DNER: variants seen among roughly 807,000 people sequenced by gnomAD.
DNER encodes the protein delta/notch like EGF repeat containing.
In DNER, 33 loss-of-function variants were observed where a neutral mutation model predicts 78.2. That is an observed-to-expected ratio of 0.42 (90% CI 0.32 to 0.56). The LOEUF is 0.56. Ranked by LOEUF, DNER falls within the 20% of genes least tolerant of loss-of-function variation. DNER has a pLI of 0.11. For missense variants in DNER, 918 were observed against 975.3 expected (o/e 0.94, Z 0.78); for synonymous variants, 417 against 384.8 (o/e 1.08, Z -0.98).
intron 1 of DNER, among the ~76,000 whole-genome samples, chr2:229,648,801 G>T (rs1698763458): frequency 6.6e-6 from 1 of 152,138 alleles, no homozygotes; most frequent in African/African-American, 2.4e-5. Flanking sequence ...GTTTCTCTCT[G>T]ATTCAAATGC....
intron 4 of DNER, among the ~76,000 whole-genome samples, chr2:229,580,704 G>T (rs1386282456): frequency 6.6e-6 from 1 of 152,138 alleles, no homozygotes; most frequent in Admixed American, 6.5e-5. Context: ...AAAGTGTGCA[G>T]GAAAAAATCG....
At chr2:229,482,273 C>CCCCTG (rs1347049270) in intron 6 of DNER, among the ~76,000 whole-genome samples, 4 of 152,356 alleles carry the variant, frequency 2.6e-5, no homozygotes, top group East Asian at 3.9e-4. Flanking sequence ...AGGACTCCAG[C>CCCCTG]AATGGTCGCC....
chr2:229,530,888 T>C (rs1290744399), intron 5 of DNER, among the ~76,000 whole-genome samples: 2 of 152,148 alleles, frequency 1.3e-5, no homozygotes, highest in Non-Finnish European at 2.9e-5. Flanking sequence ...TAGGCCAAGT[T>C]TCTTGGGATT....
rs144648990 is a variant in DNER, at chr2:229,446,279, C to T, written c.1486+1037G>A. On this transcript the variant is annotated intron_variant, in intron 8 of 12. Coordinates refer to ENST00000341772, the MANE Select transcript of DNER (RefSeq NM_139072.4). The stretch of plus-strand genomic sequence containing the variant: ...GCTGATACAAAAGCTATTAATAAAA[C>T]ACAGTTCCTCCCAGCCCTAAGGAGG... 4.7e-3 allele frequency among the ~76,000 whole-genome samples: 712 copies of T among 152,326 alleles called. 8 individuals are homozygous for T. Among genetic ancestry groups the T allele is most frequent in the African/African-American group, 0.016 (653 of 41,570 alleles).
rs574732738 is a variant in DNER at position 229,446,571 on chromosome 2, A to G, written c.1486+745T>C. Reference sequence around the variant, plus strand: ...GATTCATTGTGCTGGGAAGCTTTCTAAAGAGCCAGCTCGTGTAAGGATGGA... The same window carrying G: ...GATTCATTGTGCTGGGAAGCTTTCTGAAGAGCCAGCTCGTGTAAGGATGGA... On this transcript the variant is annotated intron_variant, in intron 8 of 12. Coordinates refer to ENST00000341772, the MANE Select transcript of DNER (RefSeq NM_139072.4). Among the ~76,000 whole-genome samples the G allele has an allele frequency of 3.3e-5, 5 of 152,308 alleles. No individual in the cohort carries two copies. The South Asian group carries it at 6.2e-4, about 19-fold the overall frequency.
chr2:229,412,172 C>T (rs1693537608), intron 9 of DNER, among the ~76,000 whole-genome samples: 1 of 152,186 alleles, frequency 6.6e-6, no homozygotes, highest in Non-Finnish European at 1.5e-5. Flanking sequence ...TTAGACGTTC[C>T]GTCACAAACC....
intron 10 of DNER, among the ~76,000 whole-genome samples, chr2:229,405,619 T>C (rs1466722842): frequency 6.6e-6 from 1 of 152,184 alleles, no homozygotes; most frequent in Non-Finnish European, 1.5e-5. Flanking sequence ...ATGATATACA[T>C]ATATTTTTAA....
chr2:229,369,126 C>T (rs970707046), intron 11 of DNER, among the ~76,000 whole-genome samples: 1 of 151,874 alleles, frequency 6.6e-6, no homozygotes, highest in Admixed American at 6.6e-5. Flanking sequence ...AACATATACC[C>T]CATTGGCTTG....
intron 5 of DNER, among the ~76,000 whole-genome samples, chr2:229,528,560 G>A (rs957557308): frequency 1.3e-5 from 2 of 152,292 alleles, no homozygotes; most frequent in Admixed American, 6.5e-5. Flanking sequence ...GCTGGAGTCA[G>A]ACATTGAACT....
At chr2:229,642,336 T>C (rs1698640061) in intron 1 of DNER, among the ~76,000 whole-genome samples, 1 of 152,208 alleles carries the variant, frequency 6.6e-6, no homozygotes, top group South Asian at 2.1e-4. Flanking sequence ...CCTTCTCTAA[T>C]AATGAGAAAG....
At chr2:229,494,606 C>A (rs1695465106) in intron 6 of DNER, among the ~76,000 whole-genome samples, 1 of 152,172 alleles carries the variant, frequency 6.6e-6, no homozygotes, top group Admixed American at 6.5e-5. Context: ...AGACACTGGG[C>A]AGTTATTCAG....
rs554412122 is a variant in DNER at position 229,459,735 on chromosome 2, G to A, written c.1262-12195C>T. ...AAGCATTTGACAAGTCGAAAACGCC[G>A]TGCTAGCATATGAAATTATGTTCAG... On this transcript the variant is annotated intron_variant, in intron 7 of 12. Transcript: ENST00000341772. 4.6e-5 allele frequency among the ~76,000 whole-genome samples: 7 copies of A among 152,110 alleles called. No individual in the cohort carries two copies. The South Asian group carries it at 6.2e-4, about 14-fold the overall frequency.
At chr2:229,571,416 A>G (rs1218500306) in intron 4 of DNER, among the ~76,000 whole-genome samples, 1 of 150,130 alleles carries the variant, frequency 6.7e-6, no homozygotes. Flanking sequence ...CCTCTCCCTT[A>G]CTCCTCTTTG....
chr2:229,429,433 A>T (rs6757904), intron 8 of DNER, among the ~76,000 whole-genome samples: 3 of 152,120 alleles, frequency 2.0e-5, no homozygotes, highest in African/African-American at 7.2e-5. Flanking sequence ...CTCCCTTAGG[A>T]GGACACGGGC....
chr2:229,478,375 C>T (rs1250624564), intron 6 of DNER, among the ~76,000 whole-genome samples: 2 of 152,200 alleles, frequency 1.3e-5, no homozygotes, highest in Admixed American at 6.5e-5. Flanking sequence ...AGAGATGATT[C>T]ACCTGAGCTT....
At chr2:229,488,945 A>G (rs12470420) in intron 6 of DNER, among the ~76,000 whole-genome samples, 19,017 of 152,254 alleles carry the variant, frequency 0.12, 1,329 homozygotes, top group South Asian at 0.2. Flanking sequence ...CACACTACCT[A>G]TATCATCTTA....
intron 1 of DNER, among the ~76,000 whole-genome samples, chr2:229,697,464 G>A (rs995240319): frequency 6.6e-6 from 1 of 152,122 alleles, no homozygotes; most frequent in African/African-American, 2.4e-5. Flanking sequence ...CCTTTAAAAT[G>A]GTTACTTTCA....
intron 1 of DNER, among the ~76,000 whole-genome samples, chr2:229,656,263 G>A (rs1363682084): frequency 6.6e-6 from 1 of 152,190 alleles, no homozygotes; most frequent in Non-Finnish European, 1.5e-5. Flanking sequence ...GAAGCTTTCA[G>A]ATTGAAGAGA....
Position 229,443,899 on chromosome 2 carries a change from A to C in DNER, c.1486+3417T>G, listed in dbSNP as rs562659176. Among the ~76,000 whole-genome samples the C allele has an allele frequency of 7.2e-5, 11 of 152,306 alleles. No homozygotes were observed. In the South Asian group the frequency reaches 1.7e-3, roughly 23 times the overall value. On this transcript the variant is annotated intron_variant, in intron 8 of 12. Transcript: ENST00000341772. ...AAAATGTAAGTTCTTGCCTGGTGTT[A>C]AGATGCCTTTTTTATTTTACACAGT...
Sources: gnomAD v4.1 joint callset for allele counts (sites outside exome capture counted in the v4.1 genomes callset) on GRCh38, gnomAD v4.1.1 for gene constraint, MANE v1.5 for transcripts, NCBI Gene and HGNC (gene_info 2026-07-23, HGNC 2026-07-21) for gene names.